SYTL5: variants seen among roughly 807,000 people sequenced by gnomAD.
The protein encoded by SYTL5 is synaptotagmin-like protein 5.
In SYTL5, 34 loss-of-function variants were observed where a neutral mutation model predicts 55.9. That is an observed-to-expected ratio of 0.61 (90% CI 0.46 to 0.81). SYTL5 has a LOEUF of 0.81. Ranked by LOEUF, SYTL5 falls within the 30% of genes least tolerant of loss-of-function variation. The pLI is 0.00. For missense variants in SYTL5, 637 were observed against 546.7 expected, an observed-to-expected ratio of 1.17 and a Z score of -1.65; for synonymous variants, 221 against 188.7, an observed-to-expected ratio of 1.17 and a Z score of -1.40.
chrX:37,902,314 C>T, the SYTL5 span, among the ~76,000 whole-genome samples: 1 of 111,904 alleles, frequency 8.9e-6, no homozygotes, highest in Non-Finnish European at 1.9e-5. Context: ...TGTCTCAGCT[C>T]TCTCAAGTAG....
intron 2 of SYTL5, 77 bp downstream of exon 2, chrX:38,034,085 C>A: frequency 2.0e-6 from 1 of 500,295 alleles, no homozygotes; most frequent in Non-Finnish European, 3.3e-6. Context: ...AGAAATGGGC[C>A]AAGTGCAACC....
At chrX:38,105,994 A>C (rs754220899) in intron 10 of SYTL5, among the ~76,000 whole-genome samples, 1 of 112,141 alleles carries the variant, frequency 8.9e-6, no homozygotes, top group Non-Finnish European at 1.9e-5. Context: ...TATACTACTC[A>C]TGTAGCCACA....
intron 2 of SYTL5, among the ~76,000 whole-genome samples, chrX:38,043,688 T>TATATATATATATAC (rs1210450618): frequency 1.2e-4 from 8 of 64,936 alleles, no homozygotes; most frequent in East Asian, 8.2e-4. Context: ...TATATATATA[T>TATATATATATATAC]ATACATATAT....
rs1324553145 is a variant in SYTL5 at position 38,072,102 on chromosome X, A to C, written c.385A>C (p.Lys129Gln). 10 of 1,209,530 alleles carry C rather than the reference A, an allele frequency of 8.3e-6. No homozygotes were observed. Among genetic ancestry groups the C allele is most frequent in the Non-Finnish European group, 1.1e-5 (10 of 894,747 alleles). Residue 129 changes from lysine (K) to glutamine (Q), a missense_variant, in exon 4 of 17, where the codon AAG (lysine) becomes CAG (glutamine). Transcript: ENST00000297875. ...WFFEEKAKRF[K>Q]QVNVLGTDVV... ...TTTTGAAGAAAAGGCAAAACGTTTCAAGCAAGTCAATGTTCTCGGCACTGA... is the reference window on the plus strand; with the variant it reads ...TTTTGAAGAAAAGGCAAAACGTTTCCAGCAAGTCAATGTTCTCGGCACTGA...
chrX:38,075,797 T>C (rs190337007), intron 5 of SYTL5, among the ~76,000 whole-genome samples: 1 of 112,088 alleles, frequency 8.9e-6, no homozygotes, highest in East Asian at 2.8e-4. Context: ...TAGAAAACTG[T>C]AGAATGTAAA....
chrX:37,981,507 G>C, the SYTL5 span, among the ~76,000 whole-genome samples: 6 of 110,412 alleles, frequency 5.4e-5, no homozygotes, highest in African/African-American at 2.0e-4. Flanking sequence ...ATGTTTCCCA[G>C]GCTGCTCTCA....
chrX:38,094,344 C>T lies in SYTL5; in HGVS notation c.881C>T (p.Ser294Phe). The T allele has an allele frequency of 8.3e-7, 1 of 1,204,955 alleles. No homozygotes were observed. The change falls in exon 8 of 17, where the codon TCT (serine) becomes TTT (phenylalanine). Residue 294 changes from serine to phenylalanine, a missense_variant. Coordinates refer to ENST00000297875, the MANE Select transcript of SYTL5 (RefSeq NM_138780.3). ...GATTTGGCTGCTATTGAAGGTACCT[C>T]TCAGGAGCTCACAAAGAGTCACCGC... ...SMDLAAIEGT[S>F]QELTKSHRRN... is the part of the protein sequence containing the mutation.
intron 2 of SYTL5, among the ~76,000 whole-genome samples, chrX:38,047,874 C>A (rs367669069): frequency 9.0e-6 from 1 of 111,335 alleles, no homozygotes; most frequent in African/African-American, 3.3e-5. Context: ...GGGAAAAATG[C>A]CACCAGTCTC....
the SYTL5 span, among the ~76,000 whole-genome samples, chrX:37,940,611 T>C: frequency 8.5e-5 from 9 of 105,988 alleles, no homozygotes; most frequent in Admixed American, 9.3e-4. Flanking sequence ...TATGTATATA[T>C]ATATATATAT....
the SYTL5 span, among the ~76,000 whole-genome samples, chrX:37,940,083 G>A: frequency 9.1e-6 from 1 of 110,039 alleles, no homozygotes; most frequent in Non-Finnish European, 1.9e-5. Context: ...TGATCCGCCC[G>A]CCTCAGCCTC....
chrX:38,060,362 C>T (rs771168734), intron 3 of SYTL5, among the ~76,000 whole-genome samples: 24 of 111,723 alleles, frequency 2.1e-4, no homozygotes, highest in African/African-American at 7.4e-4. Context: ...TAATATAACC[C>T]TTTCCTGTGG....
intron 1 of SYTL5, among the ~76,000 whole-genome samples, chrX:38,015,061 T>A (rs58204065): frequency 0.097 from 10,886 of 112,052 alleles, 590 homozygotes; most frequent in African/African-American, 0.2. Context: ...GTAAAGATTG[T>A]ACTGTTCATA....
the SYTL5 span, chrX:37,949,295 C>T: frequency 3.6e-5 from 4 of 111,822 alleles, no homozygotes; most frequent in African/African-American, 1.3e-4. Context: ...AACCATGAAG[C>T]AACCATTCAA....
At chrX:37,951,331 G>A in the SYTL5 span, among the ~76,000 whole-genome samples, 1 of 110,980 alleles carries the variant, frequency 9.0e-6, no homozygotes, top group African/African-American at 3.3e-5. Context: ...ATATTATTTG[G>A]GATTAGGAAC....
the SYTL5 span, among the ~76,000 whole-genome samples, chrX:37,955,241 A>G: frequency 8.9e-6 from 1 of 112,166 alleles, no homozygotes; most frequent in Non-Finnish European, 1.9e-5. Context: ...TTACATTTAT[A>G]TTCATTTGGT....
intron 9 of SYTL5, among the ~76,000 whole-genome samples, chrX:38,100,830 A>G (rs982481924): frequency 4.5e-5 from 5 of 111,251 alleles, no homozygotes; most frequent in Admixed American, 9.6e-5. Flanking sequence ...GTGTGAACAT[A>G]TATACTGTGT....
chrX:37,946,589 A>C, the SYTL5 span: 1 of 150,402 alleles, frequency 6.6e-6, no homozygotes, highest in African/African-American at 3.1e-5. Flanking sequence ...CGTGGTTATG[A>C]TATTCCTCTC....
At chrX:37,948,027 C>T in the SYTL5 span, among the ~76,000 whole-genome samples, 1 of 111,791 alleles carries the variant, frequency 8.9e-6, no homozygotes, top group Non-Finnish European at 1.9e-5. Flanking sequence ...CACAGAGTTC[C>T]AAATCTTCTT....
the SYTL5 span, among the ~76,000 whole-genome samples, chrX:37,976,150 T>C: frequency 8.9e-6 from 1 of 112,720 alleles, no homozygotes; most frequent in Non-Finnish European, 1.9e-5. Context: ...TGTTGGAATA[T>C]GCTTATCTTT....
Sources: allele counts gnomAD v4.1 joint callset (sites outside exome capture counted in the v4.1 genomes callset), GRCh38; gene constraint gnomAD v4.1.1; transcripts MANE v1.5; gene names NCBI Gene and HGNC (gene_info 2026-07-23, HGNC 2026-07-21).